ADAM12: variants seen among roughly 807,000 people sequenced by gnomAD.
The protein encoded by ADAM12 is disintegrin and metalloproteinase domain-containing protein 12.
In ADAM12, 70 loss-of-function variants were observed where a neutral mutation model predicts 106.4. The ratio of observed to expected loss-of-function variants is 0.66; its 90% CI spans 0.54 to 0.80. The LOEUF (loss-of-function observed/expected upper bound fraction) is 0.80. Ranked by LOEUF, ADAM12 falls within the 30% of genes least tolerant of loss-of-function variation. The probability of loss-of-function intolerance (pLI) is 0.00; values close to 1 mark genes in which losing one functional copy is unlikely to be tolerated. For synonymous variants in ADAM12, 420 were observed against 433.5 expected, an observed-to-expected ratio of 0.97 and a Z score of 0.39; for missense variants, 1,010 against 1,171.9, an observed-to-expected ratio of 0.86 and a Z score of 2.02.
intron 21 of ADAM12, among the ~76,000 whole-genome samples, chr10:126,032,577 T>A (rs184997495): frequency 1.2e-4 from 18 of 152,262 alleles, no homozygotes; most frequent in Non-Finnish European, 2.2e-4. Context: ...TCTGATAACA[T>A]GGTCTGTTAG....
At chr10:126,152,222 T>C (rs1956740714) in intron 4 of ADAM12, among the ~76,000 whole-genome samples, 1 of 152,064 alleles carries the variant, frequency 6.6e-6, no homozygotes, top group African/African-American at 2.4e-5. Flanking sequence ...GAAAGCTTTT[T>C]TGGTAACCTT....
chr10:126,313,656 G>A (rs1022093498), intron 2 of ADAM12, among the ~76,000 whole-genome samples: 5 of 152,040 alleles, frequency 3.3e-5, no homozygotes, highest in African/African-American at 9.7e-5. Flanking sequence ...TCCATCCGTC[G>A]ATCTGTCTGT....
At chr10:126,363,075 A>G (rs1000060444) in intron 1 of ADAM12, among the ~76,000 whole-genome samples, 1 of 152,224 alleles carries the variant, frequency 6.6e-6, no homozygotes, top group African/African-American at 2.4e-5. Flanking sequence ...CATAATAAAA[A>G]TAAGTTTTAA....
At chr10:126,279,533 CTGGCCAATA>C (rs1959454058) in intron 2 of ADAM12, among the ~76,000 whole-genome samples, 1 of 151,714 alleles carries the variant, frequency 6.6e-6, no homozygotes, top group South Asian at 2.1e-4. Context: ...CAAGACCAGC[CTGGCCAATA>C]TGGTGAAACC....
intron 8 of ADAM12, among the ~76,000 whole-genome samples, chr10:126,103,892 C>T (rs373330462): frequency 2.0e-5 from 3 of 152,320 alleles, no homozygotes; most frequent in South Asian, 2.1e-4. Flanking sequence ...TGGATGCCCT[C>T]GCTCCTGCCA....
chr10:126,206,865 G>GT, intron 3 of ADAM12, among the ~76,000 whole-genome samples: 2 of 144,558 alleles, frequency 1.4e-5, no homozygotes, highest in East Asian at 2.1e-4. Flanking sequence ...GGGGGCGGGG[G>GT]GGAGCCAGTG....
At chr10:126,213,487 G>A (rs925380825) in intron 3 of ADAM12, among the ~76,000 whole-genome samples, 1 of 152,178 alleles carries the variant, frequency 6.6e-6, no homozygotes, top group Non-Finnish European at 1.5e-5. Context: ...TCAAACATTT[G>A]TTTCAAATGG....
intron 1 of ADAM12, among the ~76,000 whole-genome samples, chr10:126,373,282 A>G (rs1856173174): frequency 1.3e-5 from 2 of 152,178 alleles, no homozygotes; most frequent in African/African-American, 4.8e-5. Context: ...CTGGGAGTGG[A>G]TGTTGGCCTT....
chr10:126,048,587 G>A (rs906158124), intron 16 of ADAM12, among the ~76,000 whole-genome samples: 19 of 151,752 alleles, frequency 1.3e-4, no homozygotes, highest in African/African-American at 4.6e-4. Context: ...GTCCTAAGAA[G>A]CATTTGGGGG....
intron 3 of ADAM12, among the ~76,000 whole-genome samples, chr10:126,251,620 A>ACGG (rs1389848406): frequency 0.07 from 10,113 of 143,786 alleles, no homozygotes; most frequent in Admixed American, 0.082. Flanking sequence ...ATGCATGGAT[A>ACGG]GATGAATGGA....
intron 1 of ADAM12, among the ~76,000 whole-genome samples, chr10:126,370,681 C>G (rs943050063): frequency 1.8e-4 from 27 of 152,052 alleles, no homozygotes; most frequent in Non-Finnish European, 2.9e-5. Context: ...TCCCAATGTC[C>G]CAAGATAAAC....
intron 8 of ADAM12, 29 bp from the exon 9 acceptor site, chr10:126,101,270 G>A (rs377375651): frequency 1.9e-5 from 30 of 1,603,514 alleles, no homozygotes; most frequent in East Asian, 4.5e-5. Context: ...ACTGGCATTG[G>A]AGTTGGGATC....
chr10:126,276,019 C>G (rs1247589490), intron 3 of ADAM12, among the ~76,000 whole-genome samples: 2 of 152,108 alleles, frequency 1.3e-5, no homozygotes, highest in African/African-American at 4.8e-5. Flanking sequence ...TTCTAACATG[C>G]TAGTTACATT....
chr10:126,101,222 A>G lies in ADAM12; in HGVS notation c.761T>C (p.Ile254Thr), dbSNP rs2133580432. The change falls in exon 9 of 23, where the codon ATT becomes ACT. Residue 254 changes from isoleucine to threonine, a missense_variant. Ile to Thr is a moderately conservative substitution (Grantham distance 89, BLOSUM62 -1). Coordinates refer to ENST00000448723, the MANE Select transcript of ADAM12 (RefSeq NM_001288973.2). ...HVDKFYRPLN[I>T]RIVLVGVEVW... is the part of the protein sequence containing the mutation. ...TTCCACGCCTACCAACACGATCCGA[A>G]TGTTCAGTGGTCTGTAAAACTGGGC... 6.2e-7 allele frequency: 1 copy of G among 1,614,116 alleles called. No individual in the cohort carries two copies. The highest frequency in any genetic ancestry group is 8.5e-7 in the Non-Finnish European group (1 of 1,180,002).
At chr10:126,162,457 G>A (rs548895618) in intron 3 of ADAM12, among the ~76,000 whole-genome samples, 234 of 152,258 alleles carry the variant, frequency 1.5e-3, no homozygotes, top group African/African-American at 5.3e-3. Context: ...AGGGAGACCC[G>A]CTGCTGCTGA....
At chr10:126,123,000 G>A (rs1329537570) in intron 5 of ADAM12, among the ~76,000 whole-genome samples, 16 of 152,172 alleles carry the variant, frequency 1.1e-4, no homozygotes, top group Admixed American at 6.6e-5. Flanking sequence ...TTACTTAGTC[G>A]TAAAAATATT....
intron 11 of ADAM12, among the ~76,000 whole-genome samples, chr10:126,075,410 G>C (rs1337479749): frequency 6.6e-6 from 1 of 152,138 alleles, no homozygotes; most frequent in Non-Finnish European, 1.5e-5. Context: ...TAGGTGCCAG[G>C]CATTGTTCTA....
At position 126,071,620 on chromosome 10, in the gene ADAM12, T is replaced by C; in HGVS notation, c.1180A>G (p.Arg394Gly). The change falls in exon 12 of 23, where the codon AGG becomes GGG. Residue 394 changes from arginine (R) to glycine (G), a missense_variant. By Grantham distance (125) the Arg-to-Gly change is moderately radical. Around this residue, in one of 3 missense-constraint regions of ADAM12, gnomAD observed 615 missense variants for 708.5 expected, o/e 0.87. Transcript: ENST00000448723. ...PFPMVFSSCS[R>G]KDLETSLEKG... ...TCCAGGCTGGTCTCCAAGTCCTTCCTGCTGCAACTGCTGAACACCATGGGA... is the reference window on the plus strand; with the variant it reads ...TCCAGGCTGGTCTCCAAGTCCTTCCCGCTGCAACTGCTGAACACCATGGGA... 6.2e-7 allele frequency: 1 copy of C among 1,614,110 alleles called. No individual in the cohort carries two copies. The highest frequency in any genetic ancestry group is 8.5e-7 in the Non-Finnish European group (1 of 1,180,008).
intron 2 of ADAM12, among the ~76,000 whole-genome samples, chr10:126,323,006 C>T (rs1854160363): frequency 6.6e-6 from 1 of 152,090 alleles, no homozygotes; most frequent in Non-Finnish European, 1.5e-5. Flanking sequence ...GGTTGGGGTT[C>T]CCACAGAAGG....
Sources: allele counts gnomAD v4.1 joint callset (sites outside exome capture counted in the v4.1 genomes callset), GRCh38; gene constraint gnomAD v4.1.1; regional missense constraint gnomAD v4.1.1; transcripts MANE v1.5; gene names NCBI Gene and HGNC (gene_info 2026-07-23, HGNC 2026-07-21).